SNRNP70: variants seen among roughly 807,000 people sequenced by gnomAD.
The protein encoded by SNRNP70 is small nuclear ribonucleoprotein U1 subunit 70.
SNRNP70 carries 8 observed loss-of-function variants against 50.5 expected under a neutral mutation model. The observed-to-expected ratio is 0.16, with a 90% CI of 0.09 to 0.29. The LOEUF is 0.29. Ranked by LOEUF, SNRNP70 falls within the 10% of genes least tolerant of loss-of-function variation. The probability of loss-of-function intolerance (pLI) is 1.00; values close to 1 mark genes in which losing one functional copy is unlikely to be tolerated. For missense variants in SNRNP70, 529 were observed against 663.5 expected (o/e 0.80, Z 2.23); for synonymous variants, 320 against 252.9 (o/e 1.27, Z -2.52).
chr19:49,101,873 C>G (rs570143587), intron 7 of SNRNP70, among the ~76,000 whole-genome samples: 4 of 152,090 alleles, frequency 2.6e-5, no homozygotes, highest in Admixed American at 1.3e-4. Context: ...CTCTCTTCCC[C>G]CCCCAGTAGA....
In SNRNP70 at chr19:49,098,622, T is replaced by C. The variant is rs1228298502; in HGVS notation, c.331-20T>C. The C allele has an allele frequency of 6.2e-7, 1 of 1,612,396 alleles. No individual in the cohort carries two copies. Among genetic ancestry groups the C allele is most frequent in the Non-Finnish European group, 8.5e-7 (1 of 1,178,620 alleles). On this transcript the variant is annotated intron_variant, in intron 5 of 9. Transcript: ENST00000598441. ...GACAGCTCTGTTCTCCCATTTAACG[T>C]CATATCCATCTCCTTGTAGAATTAT...
At chr19:49,102,247 A>G (rs2122376609) in intron 7 of SNRNP70, 2 of 1,133,598 alleles carry the variant, frequency 1.8e-6, no homozygotes, top group Admixed American at 2.3e-5. Flanking sequence ...CAGGCAGCTC[A>G]GGAGCAGCGA....
intron 4 of SNRNP70, among the ~76,000 whole-genome samples, chr19:49,091,336 T>C (rs1454558692): frequency 6.7e-6 from 1 of 149,070 alleles, no homozygotes; most frequent in Non-Finnish European, 1.5e-5. Flanking sequence ...GTCGGCTCAC[T>C]GCAACCCAGC....
intron 4 of SNRNP70, among the ~76,000 whole-genome samples, chr19:49,094,961 T>C (rs1197282763): frequency 2.6e-5 from 4 of 152,250 alleles, no homozygotes; most frequent in African/African-American, 9.6e-5. Context: ...GTCTCTGCTC[T>C]GGGCTGCTAC....
At chr19:49,088,009 A>G (rs1315198073) in intron 2 of SNRNP70, among the ~76,000 whole-genome samples, 3 of 151,198 alleles carry the variant, frequency 2.0e-5, no homozygotes, top group Non-Finnish European at 4.4e-5. Flanking sequence ...CTCCTGCCTC[A>G]GCCTCTCAAG....
At chr19:49,091,845 A>C (rs1255778126) in intron 4 of SNRNP70, among the ~76,000 whole-genome samples, 1 of 152,142 alleles carries the variant, frequency 6.6e-6, no homozygotes, top group Admixed American at 6.5e-5. Context: ...TTCCCTCGCC[A>C]CCAACCTGGT....
chr19:49,097,885 C>T (rs943492983), intron 4 of SNRNP70, among the ~76,000 whole-genome samples: 29 of 152,224 alleles, frequency 1.9e-4, no homozygotes, highest in African/African-American at 7.0e-4. Flanking sequence ...AGGGCACAGA[C>T]AGGAAAGCAG....
At position 49,101,484 on chromosome 19, in the gene SNRNP70, C is replaced by T. The variant is rs200143493; in HGVS notation, c.475+13C>T. 135 of 1,601,452 alleles carry T rather than the reference C, an allele frequency of 8.4e-5. No individual in the cohort carries two copies. In the East Asian group the frequency reaches 1.9e-3, roughly 22 times the overall value. On this transcript the variant is annotated intron_variant, in intron 7 of 9. Transcript: ENST00000598441. ...CGAGACATGCACTGTGAGTACCTCC[C>T]GCCGAGCCCTGCCCTCTGACCTGCT...
chr19:49,086,283 C>A, intron 1 of SNRNP70, 122 bp from the exon 2 acceptor site: 1 of 1,149,282 alleles, frequency 8.7e-7, no homozygotes, highest in Non-Finnish European at 1.2e-6. Context: ...TCTGCCCTTA[C>A]AGAGCCTGTT....
At chr19:49,091,922 A>G (rs1043401079) in intron 4 of SNRNP70, among the ~76,000 whole-genome samples, 2 of 152,002 alleles carry the variant, frequency 1.3e-5, no homozygotes, top group African/African-American at 2.4e-5. Context: ...ATTTTTTGCC[A>G]TGCAGTTTGT....
rs2040434789 is a variant in SNRNP70 at position 49,090,510 on chromosome 19, G to A, written c.255G>A (p.Glu85=). The A allele has an allele frequency of 3.1e-6, 5 of 1,613,966 alleles. No homozygotes were observed. The South Asian group carries it at 3.3e-5, about 11-fold the overall frequency. The change falls in exon 4 of 10, where the codon GAG becomes GAA. Residue 85 remains glutamate, a synonymous_variant. Coordinates refer to ENST00000598441, the MANE Select transcript of SNRNP70 (RefSeq NM_003089.6). ...GGCGACAGCAAGAAGTGGAGACAGA[G>A]CTTAAAATGTGTAAGTCTCTCATCC... ...IERRQQEVET[E]LKMWDPHNDP...
Position 49,107,760 on chromosome 19 carries a change from G to GA in SNRNP70, c.666-34dup, listed in dbSNP as rs750613294. 6.2e-7 allele frequency: 1 copy of GA among 1,611,994 alleles called. No homozygotes were observed. Among genetic ancestry groups the GA allele is most frequent in the Non-Finnish European group, 8.5e-7 (1 of 1,179,532 alleles). On this transcript the variant is annotated intron_variant, in intron 9 of 9. Coordinates refer to ENST00000598441, the MANE Select transcript of SNRNP70 (RefSeq NM_003089.6). This position sits in a 1 kb window ranked among gnomAD's most constrained non-coding sequence, Gnocchi z 6.0. ...CTGGGGTGGGGGGCGGTCACGGGGG[G>GA]AGCCCAGCCACACAGGTCTGCCCAC...
intron 4 of SNRNP70, among the ~76,000 whole-genome samples, chr19:49,090,887 A>G (rs1292646542): frequency 6.6e-6 from 1 of 152,016 alleles, no homozygotes; most frequent in Non-Finnish European, 1.5e-5. Flanking sequence ...AGGATGTTCC[A>G]TCCCCTCCAC....
Position 49,108,223 on chromosome 19 carries a change from G to GCCGGGACCGGGATCGTGA in SNRNP70, c.1098_1115dup (p.Asp371_Arg376dup). The GCCGGGACCGGGATCGTGA allele has an allele frequency of 6.5e-7, 1 of 1,534,020 alleles. No individual in the cohort carries two copies. The highest frequency in any genetic ancestry group is 8.8e-7 in the Non-Finnish European group (1 of 1,139,104). ...AGCCACCGGAGCGAGCGCGAGCGGCGCCGGGACCGGGATCGTGACCGTGAC... is the reference window on the plus strand; with the variant it reads ...AGCCACCGGAGCGAGCGCGAGCGGCGCCGGGACCGGGATCGTGACCGGGACCGGGATCGTGACCGTGAC... On this transcript the variant is annotated inframe_insertion, in exon 10 of 10. Transcript: ENST00000598441.
intron 4 of SNRNP70, 50 bp from the exon 5 acceptor site, chr19:49,098,377 C>T (rs1269236869): frequency 2.0e-6 from 3 of 1,469,208 alleles, no homozygotes; most frequent in Admixed American, 1.8e-5. Context: ...GTTTTGCTAC[C>T]TGAGACCATG....
At chr19:49,085,780 C>G in intron 1 of SNRNP70, 144 bp downstream of exon 1, 1 of 388,188 alleles carries the variant, frequency 2.6e-6, no homozygotes, top group Non-Finnish European at 5.2e-6. Flanking sequence ...TTCCCGGACC[C>G]CGAAATCTCT....
chr19:49,093,454 G>C, intron 4 of SNRNP70, among the ~76,000 whole-genome samples: 1 of 152,026 alleles, frequency 6.6e-6, no homozygotes, highest in Non-Finnish European at 1.5e-5. Context: ...CAAGGCAGGT[G>C]GGTCACCTGA....
Position 49,108,593 on chromosome 19 carries a change from A to C in SNRNP70, c.*150A>C. 9.3e-7 allele frequency: 1 copy of C among 1,077,628 alleles called. No individual in the cohort carries two copies. The highest frequency in any genetic ancestry group is 1.3e-6 in the Non-Finnish European group (1 of 776,988). The allele number at this position is 1,077,628 out of a possible 1,614,324, so 66.8% of individuals were successfully genotyped here. A position where few individuals can be genotyped will look rare whatever the true frequency, so the allele number is the denominator to read the frequency against. ...CCCCTTGGATTTAAAAATAAAATTA[A>C]TTTCCTGTTGATAGTGGGCACCTCG... On this transcript the variant is annotated 3_prime_UTR_variant, in exon 10 of 10. Coordinates refer to ENST00000598441, the MANE Select transcript of SNRNP70 (RefSeq NM_003089.6).
At position 49,102,243 on chromosome 19, in the gene SNRNP70, G is replaced by A. The variant is rs1050316267; in HGVS notation, c.475+772G>A. 4.7e-5 allele frequency: 57 copies of A among 1,215,004 alleles called. 3 individuals are homozygous for A. The Admixed American group carries it at 1.2e-3, about 25-fold the overall frequency. The allele number at this position is 1,215,004 out of a possible 1,614,324, so 75.3% of individuals were successfully genotyped here. Reference sequence around the variant, plus strand: ...CACACCAGCCCAGCTTAGCCAGGCAGCTCAGGAGCAGCGAGGCGCCCCTCC... The same window carrying A: ...CACACCAGCCCAGCTTAGCCAGGCAACTCAGGAGCAGCGAGGCGCCCCTCC... On this transcript the variant is annotated intron_variant, in intron 7 of 9. Transcript: ENST00000598441.
Sources: gnomAD v4.1 joint callset for allele counts (sites outside exome capture counted in the v4.1 genomes callset) on GRCh38, gnomAD v4.1.1 for gene constraint, Gnocchi (gnomAD v3.1) non-coding constraint, MANE v1.5 for transcripts, NCBI Gene and HGNC (gene_info 2026-07-23, HGNC 2026-07-21) for gene names.